SAP130: variants seen among roughly 807,000 people sequenced by gnomAD.
SAP130 encodes Sin3A associated protein 130.
A neutral mutation model predicts 103.2 loss-of-function variants in SAP130; 16 were observed. That is an observed-to-expected ratio of 0.16 (90% CI 0.10 to 0.24). The LOEUF (loss-of-function observed/expected upper bound fraction) is 0.24. SAP130 is among the 10% of genes least tolerant of loss of function. The pLI is 1.00. For synonymous variants in SAP130, 477 were observed against 497.0 expected (o/e 0.96, Z 0.53); for missense variants, 990 against 1,359.7 (o/e 0.73, Z 4.28).
chr2:127,949,860 G>A lies in SAP130; in HGVS notation c.2797+9C>T. On this transcript the variant is annotated intron_variant, in intron 18 of 20. Coordinates refer to ENST00000643581, the MANE Select transcript of SAP130 (RefSeq NM_001330301.2). ...TGCATTAATATCAAGTGTTTCTGGG[G>A]AAACTAACCTTTGACCCGGACGTCA... 6.2e-7 allele frequency: 1 copy of A among 1,613,778 alleles called. No homozygotes were observed. The highest frequency in any genetic ancestry group is 8.5e-7 in the Non-Finnish European group (1 of 1,179,836).
At chr2:127,943,185 C>T (rs1161696645) in intron 19 of SAP130, among the ~76,000 whole-genome samples, 2 of 152,106 alleles carry the variant, frequency 1.3e-5, no homozygotes, top group Admixed American at 6.5e-5. Flanking sequence ...CAGAAGTAGC[C>T]AAGGCACTAC....
intron 14 of SAP130, among the ~76,000 whole-genome samples, chr2:127,984,348 T>TAC (rs921513304): frequency 1.1e-4 from 17 of 152,368 alleles, no homozygotes; most frequent in African/African-American, 4.1e-4. Context: ...GCCAGGCCTC[T>TAC]ACATCTTCCA....
At chr2:127,991,968 C>G (rs1241602904) in intron 12 of SAP130, among the ~76,000 whole-genome samples, 1 of 152,074 alleles carries the variant, frequency 6.6e-6, no homozygotes, top group Non-Finnish European at 1.5e-5. Context: ...ATAACACTTT[C>G]TTTTGTCTTT....
At chr2:128,002,528 C>CA (rs1271433797) in intron 7 of SAP130, among the ~76,000 whole-genome samples, 2 of 150,890 alleles carry the variant, frequency 1.3e-5, no homozygotes, top group East Asian at 3.9e-4. Context: ...GAGTCTGTCT[C>CA]AAAAAAATAA....
At chr2:127,961,895 C>T (rs947169441) in intron 15 of SAP130, among the ~76,000 whole-genome samples, 1 of 152,108 alleles carries the variant, frequency 6.6e-6, no homozygotes, top group African/African-American at 2.4e-5. Flanking sequence ...GCTGACTGTT[C>T]AGGAGAGCTG....
Position 127,942,405 on chromosome 2 carries a change from G to T in SAP130, c.3015+19C>A. Reference sequence around the variant, plus strand: ...ACTTCATAAAGTAGATGATCAGAAGGGAAGGGGCGCACTCAAACCTGTATC... The same window carrying T: ...ACTTCATAAAGTAGATGATCAGAAGTGAAGGGGCGCACTCAAACCTGTATC... On this transcript the variant is annotated intron_variant, in intron 20 of 20. Coordinates refer to ENST00000643581, the MANE Select transcript of SAP130 (RefSeq NM_001330301.2). This position sits in a 1 kb window ranked among gnomAD's most constrained non-coding sequence, Gnocchi z 4.8. 1 of 1,529,502 alleles carries T rather than the reference G, an allele frequency of 6.5e-7. No individual in the cohort carries two copies. The highest frequency in any genetic ancestry group is 9.1e-7 in the Non-Finnish European group (1 of 1,102,996). 94.7% of individuals were successfully genotyped at this position (1,529,502 alleles called of 1,614,324 possible). A position where few individuals can be genotyped will look rare whatever the true frequency, so the allele number is the denominator to read the frequency against.
intron 11 of SAP130, among the ~76,000 whole-genome samples, chr2:127,994,435 T>C (rs1683035123): frequency 6.6e-6 from 1 of 152,062 alleles, no homozygotes; most frequent in Non-Finnish European, 1.5e-5. Context: ...CTACTAAAAA[T>C]ACAAAAATTA....
chr2:128,024,741 A>T (rs1441417441), intron 2 of SAP130, among the ~76,000 whole-genome samples: 1 of 150,946 alleles, frequency 6.6e-6, no homozygotes, highest in African/African-American at 2.4e-5. Context: ...TTACCCAGGC[A>T]TGGTAGCGCA....
At chr2:127,999,619 A>G (rs955194726) in intron 10 of SAP130, 122 bp downstream of exon 10, 15 of 507,918 alleles carry the variant, frequency 3.0e-5, no homozygotes, top group Non-Finnish European at 4.7e-5. Flanking sequence ...AAGAAAAGAA[A>G]AAAAAAAAAA....
At chr2:128,001,176 A>G (rs1683532367) in intron 7 of SAP130, among the ~76,000 whole-genome samples, 1 of 152,230 alleles carries the variant, frequency 6.6e-6, no homozygotes, top group Non-Finnish European at 1.5e-5. Flanking sequence ...TGCCAAATTA[A>G]TTGGTAGCAA....
In SAP130 at chr2:127,996,104, G is replaced by A. The variant is rs1196993112; in HGVS notation, c.1355+246C>T. On this transcript the variant is annotated intron_variant, in intron 11 of 20. Transcript: ENST00000643581. This position sits in a 1 kb window ranked among gnomAD's most constrained non-coding sequence, Gnocchi z 4.3. ...ATGCTGCAACCCTTACTCTCAAAAT[G>A]GCCAAAAAATGTTAAACACACAAAA... Among the ~76,000 whole-genome samples the A allele has an allele frequency of 2.6e-5, 4 of 151,758 alleles. No individual in the cohort carries two copies. Among genetic ancestry groups the A allele is most frequent in the South Asian group, 2.1e-4 (1 of 4,798 alleles).
At chr2:127,982,761 G>C (rs966588214) in intron 14 of SAP130, among the ~76,000 whole-genome samples, 10 of 152,170 alleles carry the variant, frequency 6.6e-5, no homozygotes, top group Non-Finnish European at 1.5e-4. Context: ...AAGTGGGATG[G>C]GGGTTAAGGA....
intron 15 of SAP130, among the ~76,000 whole-genome samples, chr2:127,970,876 C>CTGACA (rs1363014652): frequency 6.6e-6 from 1 of 152,124 alleles, no homozygotes; most frequent in East Asian, 1.9e-4. Flanking sequence ...AACAAAGTCA[C>CTGACA]TGACATGACA....
rs1169910390 is a variant in SAP130, at chr2:127,942,028, A to C, written c.3152T>G (p.Leu1051Trp). The C allele has an allele frequency of 6.3e-7, 1 of 1,589,888 alleles. No homozygotes were observed. Among genetic ancestry groups the C allele is most frequent in the Non-Finnish European group, 8.5e-7 (1 of 1,173,438 alleles). ...KNGTVKKVSK[L>W]KRKEKV is the part of the protein sequence containing the mutation. Reference sequence around the variant, plus strand: ...GGTCTAGACTTTTTCCTTTCGCTTCAATTTGGACACTTTTTTGACAGTCCC... The same window carrying C: ...GGTCTAGACTTTTTCCTTTCGCTTCCATTTGGACACTTTTTTGACAGTCCC... The change falls in exon 21 of 21, where the codon TTG becomes TGG. Residue 1051 changes from leucine (L) to tryptophan (W), a missense_variant. Leu to Trp is a moderately conservative substitution (Grantham distance 61). Around this residue, in one of 6 missense-constraint regions of SAP130, gnomAD observed 69 missense variants for 165.7 expected, o/e 0.42. Coordinates refer to ENST00000643581, the MANE Select transcript of SAP130 (RefSeq NM_001330301.2). This position sits in a 1 kb window ranked among gnomAD's most constrained non-coding sequence, Gnocchi z 4.8.
At chr2:127,992,892 C>A (rs895300416) in intron 12 of SAP130, among the ~76,000 whole-genome samples, 1 of 151,986 alleles carries the variant, frequency 6.6e-6, no homozygotes, top group Non-Finnish European at 1.5e-5. Flanking sequence ...AATGGAAACC[C>A]TATAAAAGTG....
At chr2:127,973,867 A>G (rs1398925165) in intron 15 of SAP130, among the ~76,000 whole-genome samples, 1 of 152,072 alleles carries the variant, frequency 6.6e-6, no homozygotes, top group Non-Finnish European at 1.5e-5. Flanking sequence ...TGAGCCCAGG[A>G]GTTCCAGACC....
chr2:128,025,035 G>T (rs1194114444), intron 2 of SAP130, among the ~76,000 whole-genome samples: 1 of 146,472 alleles, frequency 6.8e-6, no homozygotes, highest in African/African-American at 2.5e-5. Context: ...TCAGCTACTG[G>T]TTTGAGCAAT....
At chr2:127,960,074 G>A (rs914726242) in intron 15 of SAP130, among the ~76,000 whole-genome samples, 7 of 152,176 alleles carry the variant, frequency 4.6e-5, no homozygotes, top group African/African-American at 9.7e-5. Context: ...CAATGAGGCC[G>A]AAGATGGATC....
intron 10 of SAP130, 50 bp downstream of exon 10, chr2:127,999,691 G>T (rs1238796304): frequency 1.9e-6 from 2 of 1,033,362 alleles, no homozygotes; most frequent in Admixed American, 2.5e-5. Context: ...TAGTCTGAGG[G>T]GTTACAGCAC....
Sources: allele counts gnomAD v4.1 joint callset (sites outside exome capture counted in the v4.1 genomes callset), GRCh38; gene constraint gnomAD v4.1.1; regional missense constraint gnomAD v4.1.1; non-coding constraint Gnocchi (gnomAD v3.1); transcripts MANE v1.5; gene names NCBI Gene and HGNC (gene_info 2026-07-23, HGNC 2026-07-21).